GNE: variants seen among roughly 807,000 people sequenced by gnomAD.
GNE encodes bifunctional UDP-N-acetylglucosamine 2-epimerase/N-acetylmannosamine kinase.
A neutral mutation model predicts 61.8 loss-of-function variants in GNE; 41 were observed. The observed-to-expected ratio is 0.66, with a 90% CI of 0.52 to 0.86. The LOEUF is 0.86. GNE is among the 40% of genes least tolerant of loss of function. GNE has a pLI of 0.00. For synonymous variants in GNE, 264 were observed against 326.4 expected, an observed-to-expected ratio of 0.81 and a Z score of 2.06; for missense variants, 608 against 909.1, an observed-to-expected ratio of 0.67 and a Z score of 4.26.
chr9:36,264,626 A>G lies in GNE; in HGVS notation c.51+12268T>C, dbSNP rs1587376886. On this transcript the variant is annotated intron_variant, in intron 1 of 11. Transcript: ENST00000396594. The stretch of plus-strand genomic sequence containing the variant: ...TACTGGAAAAGAGTATGTACTGTTG[A>G]GAGACAGGACTAGCTGGATTTCCTA... Among the ~76,000 whole-genome samples the G allele has an allele frequency of 3.9e-5, 6 of 152,150 alleles. No individual in the cohort carries two copies. The South Asian group carries it at 1.2e-3, about 32-fold the overall frequency.
At chr9:36,220,876 G>A (rs1828554516) in intron 9 of GNE, among the ~76,000 whole-genome samples, 1 of 152,176 alleles carries the variant, frequency 6.6e-6, no homozygotes, top group Non-Finnish European at 1.5e-5. Context: ...TGCTTTTAAG[G>A]GTTGTCTTGC....
chr9:36,240,578 A>G (rs1016290854), intron 3 of GNE, among the ~76,000 whole-genome samples: 4 of 152,088 alleles, frequency 2.6e-5, no homozygotes, highest in Non-Finnish European at 4.4e-5. Context: ...TAAGGATTTT[A>G]GCATCTATGT....
Position 36,216,064 on chromosome 9 carries a change from C to G in GNE, c.*1301G>C. 3.2e-6 allele frequency: 1 copy of G among 312,184 alleles called. No homozygotes were observed. The highest frequency in any genetic ancestry group is 6.5e-6 in the Non-Finnish European group (1 of 155,002). 19.3% of individuals were successfully genotyped at this position (312,184 alleles called of 1,614,324 possible). On this transcript the variant is annotated 3_prime_UTR_variant, in exon 12 of 12. Coordinates refer to ENST00000642385, the MANE Select transcript of GNE (RefSeq NM_005476.7). ...GGTCTAAAGTCTCTTGTAAGTTCAG[C>G]TAGAGTAATAACATCTTTCAACAAA...
At chr9:36,251,924 A>G (rs1830118082) in intron 1 of GNE, among the ~76,000 whole-genome samples, 1 of 152,052 alleles carries the variant, frequency 6.6e-6, no homozygotes, top group Admixed American at 6.6e-5. Flanking sequence ...AACACTTACA[A>G]TATAACGAAA....
chr9:36,231,836 TC>T (rs1276961887), intron 5 of GNE, among the ~76,000 whole-genome samples: 1 of 152,194 alleles, frequency 6.6e-6, no homozygotes, highest in African/African-American at 2.4e-5. Context: ...CTCTAACTCT[TC>T]CTGGAACTAT....
At chr9:36,255,233 A>C (rs1000005237) in intron 1 of GNE, among the ~76,000 whole-genome samples, 1 of 152,066 alleles carries the variant, frequency 6.6e-6, no homozygotes, top group Non-Finnish European at 1.5e-5. Flanking sequence ...CTTGAGACGG[A>C]GTGTCACTCT....
intron 5 of GNE, among the ~76,000 whole-genome samples, chr9:36,232,921 T>G (rs892986443): frequency 6.6e-6 from 1 of 152,184 alleles, no homozygotes; most frequent in Non-Finnish European, 1.5e-5. Flanking sequence ...TTGAAAGAAT[T>G]TCCATCTCAT....
chr9:36,244,954 A>G (rs1412941731), intron 3 of GNE, among the ~76,000 whole-genome samples: 1 of 147,252 alleles, frequency 6.8e-6, no homozygotes, highest in Non-Finnish European at 1.5e-5. Context: ...AAAAAAAAAA[A>G]ATGACCATTT....
intron 1 of GNE, chr9:36,276,804 C>T: frequency 1.0e-6 from 1 of 970,400 alleles, no homozygotes; most frequent in Non-Finnish European, 1.6e-6. Flanking sequence ...CCAAAGCTTT[C>T]CTCTTCCTCT....
At chr9:36,274,881 C>G (rs989481131) in intron 1 of GNE, among the ~76,000 whole-genome samples, 5 of 152,114 alleles carry the variant, frequency 3.3e-5, no homozygotes, top group Admixed American at 2.0e-4. Flanking sequence ...CGCCATCATG[C>G]CCGGCTAATT....
chr9:36,241,119 C>CT (rs36007906), intron 3 of GNE, among the ~76,000 whole-genome samples: 16,898 of 143,438 alleles, frequency 0.12, 1,309 homozygotes, highest in African/African-American at 0.22. Flanking sequence ...GTTTCATTTA[C>CT]TTTTTTTTTT....
chr9:36,256,524 C>T (rs1830358155), intron 1 of GNE, among the ~76,000 whole-genome samples: 1 of 152,138 alleles, frequency 6.6e-6, no homozygotes, highest in African/African-American at 2.4e-5. Context: ...GGATTACAAG[C>T]GTGAGCCACC....
At chr9:36,255,293 C>T (rs548350024) in intron 1 of GNE, among the ~76,000 whole-genome samples, 13 of 152,174 alleles carry the variant, frequency 8.5e-5, no homozygotes, top group Admixed American at 1.3e-4. Context: ...CTGTAACCTC[C>T]ACCTCCCGGG....
intron 7 of GNE, among the ~76,000 whole-genome samples, chr9:36,225,688 A>G (rs1484407669): frequency 6.6e-6 from 1 of 152,200 alleles, no homozygotes; most frequent in Admixed American, 6.5e-5. Context: ...CTGTGGTCCT[A>G]GCTATTATAC....
At chr9:36,255,948 A>C (rs1383991505) in intron 1 of GNE, among the ~76,000 whole-genome samples, 1 of 152,070 alleles carries the variant, frequency 6.6e-6, no homozygotes, top group East Asian at 1.9e-4. Context: ...TTTTTGAGAC[A>C]GGGTCTCACT....
intron 1 of GNE, among the ~76,000 whole-genome samples, chr9:36,251,526 C>T (rs1830105812): frequency 6.6e-6 from 1 of 152,074 alleles, no homozygotes; most frequent in Non-Finnish European, 1.5e-5. Flanking sequence ...TGGGCTCAAG[C>T]AACCCCCCCA....
chr9:36,228,127 CAATA>C (rs1418448574), intron 6 of GNE, among the ~76,000 whole-genome samples: 2 of 150,452 alleles, frequency 1.3e-5, no homozygotes, highest in African/African-American at 4.9e-5. Flanking sequence ...ATGTTGTACA[CAATA>C]AATACATACA....
At position 36,246,660 on chromosome 9, in the gene GNE, CT is replaced by C. The variant is rs66781293; in HGVS notation, c.165-179del. ...AAGTGTAAACAGCCTGATTAAGATTCTTTTTTTTTTTTTTTTTTTTTTTTTT... is the reference window on the plus strand; with the variant it reads ...AAGTGTAAACAGCCTGATTAAGATTCTTTTTTTTTTTTTTTTTTTTTTTTT... On this transcript the variant is annotated intron_variant, in intron 2 of 11. Transcript: ENST00000642385. Among the ~76,000 whole-genome samples the C allele has an allele frequency of 0.12, 14,496 of 118,826 alleles. 370 individuals carry two copies. Among genetic ancestry groups the C allele is most frequent in the African/African-American group, 0.17 (5,254 of 30,844 alleles). 78.0% of individuals were successfully genotyped at this position (118,826 alleles called of 152,430 possible). A position where few individuals can be genotyped will look rare whatever the true frequency, so the allele number is the denominator to read the frequency against.
chr9:36,243,735 CT>C (rs1398565077), intron 3 of GNE, among the ~76,000 whole-genome samples: 1 of 152,080 alleles, frequency 6.6e-6, no homozygotes, highest in Non-Finnish European at 1.5e-5. Context: ...GTCCCAGCTA[CT>C]CAGGAGGCTG....
Sources: gnomAD v4.1 joint callset for allele counts (sites outside exome capture counted in the v4.1 genomes callset) on GRCh38, gnomAD v4.1.1 for gene constraint, MANE v1.5 for transcripts, NCBI Gene and HGNC (gene_info 2026-07-23, HGNC 2026-07-21) for gene names.